Variants in GDF7 observed in about 807,000 individuals in gnomAD.
The protein encoded by GDF7 is growth/differentiation factor 7.
Under a neutral mutation model 13.4 loss-of-function variants are expected in GDF7, and 12 were observed. The observed-to-expected ratio is 0.90, with a 90% CI of 0.57 to 1.45. The LOEUF (loss-of-function observed/expected upper bound fraction) is 1.45, where lower values mean the gene tolerates loss of function less well. Ranked by LOEUF, GDF7 falls within the 40% of genes most tolerant of loss-of-function variation. The pLI is 0.00. For synonymous variants in GDF7, 330 were observed against 306.4 expected (o/e 1.08, Z -0.80); for missense variants, 651 against 652.4 (o/e 1.00, Z 0.02).
rs1338241263 is a variant in GDF7, at chr2:20,670,581, G to T, written c.509G>T (p.Gly170Val). 9 of 1,602,958 alleles carry T rather than the reference G, an allele frequency of 5.6e-6. No individual in the cohort carries two copies. Among genetic ancestry groups the T allele is most frequent in the Non-Finnish European group, 6.8e-6 (8 of 1,176,370 alleles). ...CTGCGCCGGGGATCTCCAGAGTCGG[G>T]CCCAGGCAGCTGGACTTCTCCGCCG... ...RVLRRGSPES[G>V]PGSWTSPPLL... Residue 170 changes from glycine to valine, a missense_variant, in exon 2 of 2, where the codon GGC becomes GTC. Gly to Val is a moderately radical substitution (Grantham distance 109). Transcript: ENST00000272224.
intron 1 of GDF7, 45 bp from the exon 2 acceptor site, chr2:20,670,419 G>C: frequency 6.8e-7 from 1 of 1,472,224 alleles, no homozygotes; most frequent in African/African-American, 1.5e-5. Flanking sequence ...TGCAGGATTT[G>C]CTCTTACACA....
chr2:20,668,842 A>T (rs185095506), intron 1 of GDF7, among the ~76,000 whole-genome samples: 1 of 152,306 alleles, frequency 6.6e-6, no homozygotes, highest in Admixed American at 6.5e-5. Flanking sequence ...TGACGGCCTG[A>T]CATGGCCCCT....
At position 20,678,634 on chromosome 2, in the gene GDF7, A is replaced by G. The variant is rs1468364465; in HGVS notation, c.*7209A>G. 2 of 152,216 alleles carry G rather than the reference A, an allele frequency of 1.3e-5. No individual in the cohort carries two copies. The highest frequency in any genetic ancestry group is 2.4e-5 in the African/African-American group (1 of 41,448). The allele number at this position is 152,216 out of a possible 1,614,324, so 9.4% of individuals were successfully genotyped here. On this transcript the variant is annotated 3_prime_UTR_variant, in exon 2 of 2. Coordinates refer to ENST00000272224, the MANE Select transcript of GDF7 (RefSeq NM_182828.4). ...CGAGTGGCTGCAGCTTAGAAAGCAA[A>G]TTTCATCTGATTCCAGTACTGTGAT...
In GDF7 at chr2:20,674,966, A is replaced by C. The variant is rs961642277; in HGVS notation, c.*3541A>C. 1 of 152,296 alleles carries C rather than the reference A, an allele frequency of 6.6e-6. No individual in the cohort carries two copies. Among genetic ancestry groups the C allele is most frequent in the East Asian group, 1.9e-4 (1 of 5,200 alleles). 9.4% of individuals were successfully genotyped at this position (152,296 alleles called of 1,614,324 possible). On this transcript the variant is annotated 3_prime_UTR_variant, in exon 2 of 2. Transcript: ENST00000272224. ...TTCATTTAAACTCACAGCAGAAAAC[A>C]ACCAGGATTTGTAGACTGATTTTCT...
intron 1 of GDF7, among the ~76,000 whole-genome samples, chr2:20,669,589 T>C (rs1448463170): frequency 6.6e-6 from 1 of 152,214 alleles, no homozygotes; most frequent in Non-Finnish European, 1.5e-5. Context: ...CTGCCCTCAC[T>C]GCAGCAAGGT....
intron 1 of GDF7, among the ~76,000 whole-genome samples, chr2:20,670,181 C>A (rs1311802578): frequency 6.6e-6 from 1 of 152,200 alleles, no homozygotes; most frequent in African/African-American, 2.4e-5. Flanking sequence ...GGTCCCGCGG[C>A]TCAGGGATAT....
Position 20,671,165 on chromosome 2 carries a change from G to C in GDF7, c.1093G>C (p.Asp365His). Residue 365 changes from aspartate (D) to histidine (H), a missense_variant, in exon 2 of 2, where the codon GAC becomes CAC. By Grantham distance (81) the Asp-to-His change is moderately conservative. This residue lies in a region of GDF7 where 101 missense variants were observed against 139.2 expected (regional missense o/e 0.73). Coordinates refer to ENST00000272224, the MANE Select transcript of GDF7 (RefSeq NM_182828.4). ...GGACTTCAAGGAGCTCGGCTGGGAC[G>C]ACTGGATCATCGCGCCGCTGGACTA... ...HVDFKELGWDDWIIAPLDYEA... is the reference protein window; with the variant it reads ...HVDFKELGWDHWIIAPLDYEA... 1 of 1,613,324 alleles carries C rather than the reference G, an allele frequency of 6.2e-7. No individual in the cohort carries two copies.
chr2:20,671,414 G>A lies in GDF7; in HGVS notation c.1342G>A (p.Gly448Ser), dbSNP rs765393753. 2 of 1,610,890 alleles carry A rather than the reference G, an allele frequency of 1.2e-6. No individual in the cohort carries two copies. Among genetic ancestry groups the A allele is most frequent in the Non-Finnish European group, 8.5e-7 (1 of 1,178,794 alleles). The change falls in exon 2 of 2, where the codon GGC (glycine) becomes AGC (serine). Residue 448 changes from glycine (G) to serine (S), a missense_variant. Gly to Ser is a moderately conservative substitution (Grantham distance 56). This residue lies in a region of GDF7 where 101 missense variants were observed against 139.2 expected (regional missense o/e 0.73). Coordinates refer to ENST00000272224, the MANE Select transcript of GDF7 (RefSeq NM_182828.4). ...CGAGGACATGGTGGTGGAGGCCTGC[G>A]GCTGCAGGTAGCGCGAGGGCCGGGG... ...QYEDMVVEAC[G>S]CR
chr2:20,670,437 C>G, intron 1 of GDF7, 27 bp from the exon 2 acceptor site: 8 of 1,496,154 alleles, frequency 5.3e-6, no homozygotes, highest in Non-Finnish European at 7.1e-6. Flanking sequence ...ACAGCTCTTT[C>G]TCTCTGTCCC....
At position 20,667,350 on chromosome 2, in the gene GDF7, C is replaced by T. The variant is rs1335531485; in HGVS notation, c.111C>T (p.Val37=). The T allele has an allele frequency of 5.3e-6, 5 of 939,992 alleles. No individual in the cohort carries two copies. The highest frequency in any genetic ancestry group is 8.0e-5 in the Admixed American group (1 of 12,544). The allele number at this position is 939,992 out of a possible 1,614,324, so 58.2% of individuals were successfully genotyped here. The change falls in exon 1 of 2, where the codon GTC becomes GTT. Residue 37 remains valine (V), a synonymous_variant. Coordinates refer to ENST00000272224, the MANE Select transcript of GDF7 (RefSeq NM_182828.4). The surrounding 1 kb of genome is among the most constrained non-coding windows in gnomAD (Gnocchi z 6.4). ...AVLRAAGAGP[V]RSPGGGGGGG... ...TGCGAGCGGCGGGGGCTGGGCCGGT[C>T]CGGAGCCCAGGGGGCGGCGGCGGCG... is the stretch of plus-strand genomic sequence containing the variant.
At position 20,671,269 on chromosome 2, in the gene GDF7, G is replaced by A. The variant is rs1373132843; in HGVS notation, c.1197G>A (p.Gln399=). ...AGCCCACCAACCATGCCATCATTCA[G>A]ACGCTGCTCAACTCCATGGCACCAG... is the stretch of plus-strand genomic sequence containing the variant. ...HLEPTNHAII[Q]TLLNSMAPDA... The change falls in exon 2 of 2, where the codon CAG becomes CAA. Residue 399 remains glutamine, a synonymous_variant. Transcript: ENST00000272224. 1 of 1,613,982 alleles carries A rather than the reference G, an allele frequency of 6.2e-7. No homozygotes were observed.
rs1457547832 is a variant in GDF7 at position 20,672,334 on chromosome 2, T to A, written c.*909T>A. 1 of 151,610 alleles carries A rather than the reference T, an allele frequency of 6.6e-6. No individual in the cohort carries two copies. The highest frequency in any genetic ancestry group is 1.5e-5 in the Non-Finnish European group (1 of 67,900). The allele number at this position is 151,610 out of a possible 1,614,324, so 9.4% of individuals were successfully genotyped here. A position where few individuals can be genotyped will look rare whatever the true frequency, so the allele number is the denominator to read the frequency against. ...AGGAAGTTAGTGCAATGGCCCGGAA[T>A]GGGGAAGGTGGGGCTGGGGGAGGGG... On this transcript the variant is annotated 3_prime_UTR_variant, in exon 2 of 2. Transcript: ENST00000272224.
rs765086458 is a variant in GDF7 at position 20,671,096 on chromosome 2, G to A, written c.1024G>A (p.Gly342Arg). ...CGGCGGGGGCGCGGGCCGGGGCCAC[G>A]GGCGCAGGGGCCGGAGCCGCTGCAG... ...GSGGGAGRGH[G>R]RRGRSRCSRK... The change falls in exon 2 of 2, where the codon GGG becomes AGG. Residue 342 changes from glycine to arginine, a missense_variant. Transcript: ENST00000272224. The A allele has an allele frequency of 1.9e-6, 3 of 1,570,138 alleles. No homozygotes were observed. The South Asian group carries it at 3.5e-5, about 18-fold the overall frequency.
rs1321605842 is a variant in GDF7, at chr2:20,676,165, C to A, written c.*4740C>A. The A allele has an allele frequency of 6.6e-6, 1 of 152,394 alleles. No homozygotes were observed. Among genetic ancestry groups the A allele is most frequent in the African/African-American group, 2.4e-5 (1 of 41,458 alleles). The allele number at this position is 152,394 out of a possible 1,614,324, so 9.4% of individuals were successfully genotyped here. A position where few individuals can be genotyped will look rare whatever the true frequency, so the allele number is the denominator to read the frequency against. On this transcript the variant is annotated 3_prime_UTR_variant, in exon 2 of 2. Coordinates refer to ENST00000272224, the MANE Select transcript of GDF7 (RefSeq NM_182828.4). ...CTGTCCCAGAATGGACTCCTTGGGT[C>A]CTCACCCCCTCCTCACCACCATGCC... is the stretch of plus-strand genomic sequence containing the variant.
intron 1 of GDF7, among the ~76,000 whole-genome samples, chr2:20,668,646 A>G (rs767503155): frequency 1.3e-5 from 2 of 152,204 alleles, no homozygotes; most frequent in Non-Finnish European, 2.9e-5. Context: ...GGAGCCACTG[A>G]CAGTCAGCAT....
At position 20,667,684 on chromosome 2, in the gene GDF7, A is replaced by G. The variant is rs978701560; in HGVS notation, c.391+54A>G. ...TCCCGTCAGGTCCTGGGCTGAGACCAGCCCCGGAGCCGTGCCGCAGCTCCG... is the reference window on the plus strand; with the variant it reads ...TCCCGTCAGGTCCTGGGCTGAGACCGGCCCCGGAGCCGTGCCGCAGCTCCG... On this transcript the variant is annotated intron_variant, in intron 1 of 1. Transcript: ENST00000272224. This position sits in a 1 kb window ranked among gnomAD's most constrained non-coding sequence, Gnocchi z 6.4. The G allele has an allele frequency of 2.4e-6, 3 of 1,268,778 alleles. No individual in the cohort carries two copies. The highest frequency in any genetic ancestry group is 3.8e-5 in the Admixed American group (1 of 26,534). The allele number at this position is 1,268,778 out of a possible 1,614,324, so 78.6% of individuals were successfully genotyped here. A position where few individuals can be genotyped will look rare whatever the true frequency, so the allele number is the denominator to read the frequency against.
chr2:20,670,828 C>T lies in GDF7; in HGVS notation c.756C>T (p.Phe252=), dbSNP rs1256629649. 6.7e-7 allele frequency: 1 copy of T among 1,493,934 alleles called. No individual in the cohort carries two copies. The highest frequency in any genetic ancestry group is 2.7e-5 in the East Asian group (1 of 37,304). The allele number at this position is 1,493,934 out of a possible 1,614,324, so 92.5% of individuals were successfully genotyped here. Residue 252 remains phenylalanine (F), a synonymous_variant, in exon 2 of 2, where the codon TTC becomes TTT. Transcript: ENST00000272224. ...CGTTGGCACTGCGGCGGCTGGGCTT[C>T]GGCTGGCCGGGCGGAGGGGGCTCTG... ...PSPLALRRLG[F]GWPGGGGSAA...
rs1006752580 is a variant in GDF7 at position 20,672,510 on chromosome 2, C to G, written c.*1085C>G. On this transcript the variant is annotated 3_prime_UTR_variant, in exon 2 of 2. Coordinates refer to ENST00000272224, the MANE Select transcript of GDF7 (RefSeq NM_182828.4). ...CCAGGTAGGCGGAAGCTCCCGGGGC[C>G]GACTCGGGCTTGTGCTAGTTATCAA... 3 of 152,268 alleles carry G rather than the reference C, an allele frequency of 2.0e-5. No homozygotes were observed. Among genetic ancestry groups the G allele is most frequent in the Middle Eastern group, 3.2e-3 (1 of 316 alleles). The allele number at this position is 152,268 out of a possible 1,614,324, so 9.4% of individuals were successfully genotyped here. A position where few individuals can be genotyped will look rare whatever the true frequency, so the allele number is the denominator to read the frequency against.
Position 20,667,421 on chromosome 2 carries a change from C to T in GDF7, c.182C>T (p.Ala61Val), listed in dbSNP as rs1695984772. 1 of 976,370 alleles carries T rather than the reference C, an allele frequency of 1.0e-6. No individual in the cohort carries two copies. The highest frequency in any genetic ancestry group is 1.2e-6 in the Non-Finnish European group (1 of 819,806). 60.5% of individuals were successfully genotyped at this position (976,370 alleles called of 1,614,324 possible). A position where few individuals can be genotyped will look rare whatever the true frequency, so the allele number is the denominator to read the frequency against. Reference protein sequence around the residue: ...RTLAQAAGAAAVPAAAVPRAR... With the variant: ...RTLAQAAGAAVVPAAAVPRAR... ...CTTGCCCAGGCTGCGGGCGCCGCGGCTGTCCCGGCCGCCGCGGTTCCCCGG... is the reference window on the plus strand; with the variant it reads ...CTTGCCCAGGCTGCGGGCGCCGCGGTTGTCCCGGCCGCCGCGGTTCCCCGG... Residue 61 changes from alanine to valine, a missense_variant, in exon 1 of 2, where the codon GCT (alanine) becomes GTT (valine). Around this residue, in one of 4 missense-constraint regions of GDF7, gnomAD observed 487 missense variants for 445.9 expected, o/e 1.09. Coordinates refer to ENST00000272224, the MANE Select transcript of GDF7 (RefSeq NM_182828.4). This position sits in a 1 kb window ranked among gnomAD's most constrained non-coding sequence, Gnocchi z 6.4.
Sources: allele counts gnomAD v4.1 joint callset (sites outside exome capture counted in the v4.1 genomes callset), GRCh38; gene constraint gnomAD v4.1.1; regional missense constraint gnomAD v4.1.1; non-coding constraint Gnocchi (gnomAD v3.1); transcripts MANE v1.5; gene names NCBI Gene and HGNC (gene_info 2026-07-23, HGNC 2026-07-21).